The following MAT1A variants were observed in gnomAD, a reference collection of about 807,000 sequenced individuals.
MAT1A encodes S-adenosylmethionine synthase isoform type-1.
MAT1A carries 19 observed loss-of-function variants against 44.0 expected under a neutral mutation model. The observed-to-expected ratio is 0.43, with a 90% CI of 0.30 to 0.63. The LOEUF (loss-of-function observed/expected upper bound fraction) is 0.63. MAT1A is among the 30% of genes least tolerant of loss of function. MAT1A has a pLI of 0.12. For synonymous variants in MAT1A, 205 were observed against 205.6 expected, an observed-to-expected ratio of 1.00 and a Z score of 0.03; for missense variants, 397 against 531.0, an observed-to-expected ratio of 0.75 and a Z score of 2.48.
intron 1 of MAT1A, among the ~76,000 whole-genome samples, chr10:80,286,714 T>C (rs1350418177): frequency 6.6e-6 from 1 of 152,184 alleles, no homozygotes; most frequent in African/African-American, 2.4e-5. Flanking sequence ...AATTAAGAAA[T>C]AAAAGTGATC....
At position 80,274,406 on chromosome 10, in the gene MAT1A, C is replaced by T. The variant is rs72809554; in HGVS notation, c.1085+114G>A. 42,384 of 1,457,376 alleles carry T rather than the reference C, an allele frequency of 0.029. 750 individuals are homozygous for T. The highest frequency in any genetic ancestry group is 0.048 in the Middle Eastern group (272 of 5,706). 90.3% of individuals were successfully genotyped at this position (1,457,376 alleles called of 1,614,324 possible). A position where few individuals can be genotyped will look rare whatever the true frequency, so the allele number is the denominator to read the frequency against. The stretch of plus-strand genomic sequence containing the variant: ...GTGCTGTACCAAGAGCTCACAGACC[C>T]TCCCACTTCTGAGAGGCAGAAACAT... On this transcript the variant is annotated intron_variant, in intron 8 of 8. Coordinates refer to ENST00000372213, the MANE Select transcript of MAT1A (RefSeq NM_000429.3).
chr10:80,286,775 G>C (rs551785566), intron 1 of MAT1A, among the ~76,000 whole-genome samples: 1 of 152,176 alleles, frequency 6.6e-6, no homozygotes, highest in African/African-American at 2.4e-5. Context: ...CCCACAGTCT[G>C]CTCTTAATAG....
rs376757912 is a variant in MAT1A at position 80,280,193 on chromosome 10, G to A, written c.529C>T (p.Arg177Trp). The change falls in exon 5 of 9, where the codon CGG becomes TGG. Residue 177 changes from arginine to tryptophan, a missense_variant. Coordinates refer to ENST00000372213, the MANE Select transcript of MAT1A (RefSeq NM_000429.3). The part of the protein sequence containing the change: ...LRRSGLLPWL[R>W]PDSKTQVTVQ... ...CTCACCTGAGTCTTAGAGTCAGGCC[G>A]CAGCCAGGGGAGGAGGCCGGAGCGC... 46 of 1,614,082 alleles carry A rather than the reference G, an allele frequency of 2.8e-5. No homozygotes were observed. Among genetic ancestry groups the A allele is most frequent in the South Asian group, 2.6e-4 (24 of 91,076 alleles).
At position 80,276,442 on chromosome 10, in the gene MAT1A, C is replaced by A; in HGVS notation, c.702G>T (p.Lys234Asn). ...EQVIRAVVPA[K>N]YLDEDTVYHL... The stretch of plus-strand genomic sequence containing the variant: ...GGTAGACGGTGTCTTCGTCCAGGTA[C>A]TTGGCCGGCACCACGGCCCTGATGA... The change falls in exon 6 of 9, where the codon AAG (lysine) becomes AAT (asparagine). Residue 234 changes from lysine to asparagine, a missense_variant. By Grantham distance (94) the Lys-to-Asn change is moderately conservative (BLOSUM62 0). Coordinates refer to ENST00000372213, the MANE Select transcript of MAT1A (RefSeq NM_000429.3). The A allele has an allele frequency of 6.2e-7, 1 of 1,614,190 alleles. No individual in the cohort carries two copies. The highest frequency in any genetic ancestry group is 8.5e-7 in the Non-Finnish European group (1 of 1,180,048).
intron 2 of MAT1A, 119 bp from the exon 3 acceptor site, chr10:80,284,157 G>A (rs776986296): frequency 1.3e-5 from 17 of 1,327,938 alleles, no homozygotes; most frequent in East Asian, 2.5e-5. Flanking sequence ...TACGAGGAAT[G>A]GATTCCAGAA....
Position 80,275,129 on chromosome 10 carries a change from C to T in MAT1A, c.839G>A (p.Gly280Glu). Residue 280 changes from glycine (G) to glutamate (E), a missense_variant, in exon 7 of 9, where the codon GGG becomes GAG. Gly to Glu is a moderately conservative substitution (Grantham distance 98, BLOSUM62 -2). Transcript: ENST00000372213. ...TYGGWGAHGG[G>E]AFSGKDYTKV... ...GGTGTAGTCCTTCCCAGAGAAGGCC[C>T]CACCACCATGAGCCCCCCAGCCGCC... 6.2e-7 allele frequency: 1 copy of T among 1,612,700 alleles called. No homozygotes were observed. Among genetic ancestry groups the T allele is most frequent in the Non-Finnish European group, 8.5e-7 (1 of 1,179,518 alleles).
At chr10:80,284,071 A>G in intron 2 of MAT1A, 33 bp from the exon 3 acceptor site, 1 of 1,611,414 alleles carries the variant, frequency 6.2e-7, no homozygotes, top group Non-Finnish European at 8.5e-7. Context: ...GAGAGTTAGC[A>G]GCCAAGTGCC....
intron 1 of MAT1A, among the ~76,000 whole-genome samples, chr10:80,288,307 C>T (rs1028473469): frequency 5.3e-5 from 8 of 152,240 alleles, no homozygotes; most frequent in Non-Finnish European, 1.0e-4. Context: ...TCAGCATCTC[C>T]TGGGAACTTG....
chr10:80,275,304 C>T (rs1044641395), intron 6 of MAT1A, 105 bp from the exon 7 acceptor site: 2 of 1,014,010 alleles, frequency 2.0e-6, no homozygotes, highest in African/African-American at 3.2e-5. Flanking sequence ...GGAAGGATGT[C>T]CTGGGGCTGC....
In MAT1A at chr10:80,280,687, C is replaced by T. The variant is rs1182379276; in HGVS notation, c.398G>A (p.Gly133Glu). ...CATGCAGTGCCGAGCTACCTGATCT[C>T]CTGCCCCCACATCCTCCTCATTTCT... ...LDRNEEDVGA[G>E]DQGLMFGYAT... Residue 133 changes from glycine (G) to glutamate (E), a missense_variant, in exon 4 of 9, where the codon GGA (glycine) becomes GAA (glutamate). Gly to Glu is a moderately conservative substitution (Grantham distance 98). Transcript: ENST00000372213. 1 of 1,613,956 alleles carries T rather than the reference C, an allele frequency of 6.2e-7. No individual in the cohort carries two copies. The highest frequency in any genetic ancestry group is 1.1e-5 in the South Asian group (1 of 91,086).
chr10:80,280,224 G>A lies in MAT1A; in HGVS notation c.498C>T (p.Asp166=). The change falls in exon 5 of 9, where the codon GAC becomes GAT. Residue 166 remains aspartate, a synonymous_variant. Coordinates refer to ENST00000372213, the MANE Select transcript of MAT1A (RefSeq NM_000429.3). ...AGGGGAGGAGGCCGGAGCGCCTGAG[G>A]TCTGCCATCCGGGCGTTGAGCTTGT... ...LAHKLNARMA[D]LRRSGLLPWL... 1 of 1,614,112 alleles carries A rather than the reference G, an allele frequency of 6.2e-7. No homozygotes were observed.
intron 1 of MAT1A, among the ~76,000 whole-genome samples, chr10:80,285,963 T>C (rs1890578): frequency 0.76 from 114,820 of 151,828 alleles, 44,313 homozygotes; most frequent in East Asian, 0.97. Context: ...GTAGCTAGGA[T>C]TACAGGCTTG....
In MAT1A at chr10:80,276,452, A is replaced by G; in HGVS notation, c.692T>C (p.Val231Ala). 3 of 1,614,158 alleles carry G rather than the reference A, an allele frequency of 1.9e-6. No homozygotes were observed. The highest frequency in any genetic ancestry group is 2.5e-6 in the Non-Finnish European group (3 of 1,180,036). ...ALKEQVIRAV[V>A]PAKYLDEDTV... ...GTCTTCGTCCAGGTACTTGGCCGGC[A>G]CCACGGCCCTGATGACTTGCTCCTT... Residue 231 changes from valine (V) to alanine (A), a missense_variant, in exon 6 of 9, where the codon GTG becomes GCG. Physicochemically the swap from Val to Ala is moderately conservative, Grantham distance 64. Coordinates refer to ENST00000372213, the MANE Select transcript of MAT1A (RefSeq NM_000429.3).
Position 80,287,358 on chromosome 10 carries a change from G to GT in MAT1A, c.92-1770dup, listed in dbSNP as rs533495288. ...AGTAGGCTTAAGATAGCCAATAGTT[G>GT]TTTTTTTGGAAAACCAGAGAAGAAA... On this transcript the variant is annotated intron_variant, in intron 1 of 8. Transcript: ENST00000372213. Among the ~76,000 whole-genome samples, 438 of 152,250 alleles carry GT rather than the reference G, an allele frequency of 2.9e-3. 2 individuals are homozygous for GT. Among genetic ancestry groups the GT allele is most frequent in the East Asian group, 1.5e-3 (8 of 5,190 alleles).
intron 3 of MAT1A, among the ~76,000 whole-genome samples, chr10:80,281,305 CA>C (rs1327288400): frequency 6.6e-6 from 1 of 152,142 alleles, no homozygotes; most frequent in Non-Finnish European, 1.5e-5. Context: ...ATGAACTATC[CA>C]GACAGACTCC....
At chr10:80,289,128 AAAG>A (rs529466126) in intron 1 of MAT1A, among the ~76,000 whole-genome samples, 47 of 152,328 alleles carry the variant, frequency 3.1e-4, no homozygotes, top group African/African-American at 1.1e-3. Context: ...TTTTCACCAC[AAAG>A]AAGTAGTCAA....
At chr10:80,286,501 C>T (rs768501111) in intron 1 of MAT1A, among the ~76,000 whole-genome samples, 4 of 152,158 alleles carry the variant, frequency 2.6e-5, no homozygotes, top group African/African-American at 9.7e-5. Flanking sequence ...CTCAGCCTCC[C>T]GAAAGCCAGG....
chr10:80,277,805 G>A (rs1051434366), intron 5 of MAT1A, among the ~76,000 whole-genome samples: 2 of 152,268 alleles, frequency 1.3e-5, no homozygotes, highest in Non-Finnish European at 2.9e-5. Flanking sequence ...CCCTGAACAC[G>A]GCGCTTATCT....
rs1841419363 is a variant in MAT1A at position 80,272,206 on chromosome 10, G to A, written c.*1575C>T. The A allele has an allele frequency of 6.7e-6, 1 of 149,644 alleles. No individual in the cohort carries two copies. Among genetic ancestry groups the A allele is most frequent in the Non-Finnish European group, 1.5e-5 (1 of 67,476 alleles). 9.3% of individuals were successfully genotyped at this position (149,644 alleles called of 1,614,324 possible). On this transcript the variant is annotated 3_prime_UTR_variant, in exon 9 of 9. Coordinates refer to ENST00000372213, the MANE Select transcript of MAT1A (RefSeq NM_000429.3). ...CCCAGCACCATGTACCCTAGAGAGAGGCCAAGTCCCCAGTGTTCCCCTGGG... is the reference window on the plus strand; with the variant it reads ...CCCAGCACCATGTACCCTAGAGAGAAGCCAAGTCCCCAGTGTTCCCCTGGG...
Sources: gnomAD v4.1 joint callset for allele counts (sites outside exome capture counted in the v4.1 genomes callset) on GRCh38, gnomAD v4.1.1 for gene constraint, MANE v1.5 for transcripts, NCBI Gene and HGNC (gene_info 2026-07-23, HGNC 2026-07-21) for gene names.